UPRT: variants seen among roughly 807,000 people sequenced by gnomAD.
UPRT encodes the protein RP11-311P8.3.
A neutral mutation model predicts 22.6 loss-of-function variants in UPRT; 5 were observed. That is an observed-to-expected ratio of 0.22 (90% CI 0.12 to 0.47). The LOEUF (loss-of-function observed/expected upper bound fraction) is 0.47. Ranked by LOEUF, UPRT falls within the 20% of genes least tolerant of loss-of-function variation. The probability of loss-of-function intolerance (pLI) is 0.99; values close to 1 mark genes in which losing one functional copy is unlikely to be tolerated. For missense variants in UPRT, 181 were observed against 239.9 expected (o/e 0.75, Z 1.62); for synonymous variants, 77 against 87.7 (o/e 0.88, Z 0.68).
chrX:75,275,184 C>T (rs1023303116), intron 1 of UPRT, among the ~76,000 whole-genome samples: 1 of 111,664 alleles, frequency 9.0e-6, no homozygotes, highest in African/African-American at 3.3e-5. Context: ...GAAAGCTTAT[C>T]GTCCAACTCT....
intron 2 of UPRT, among the ~76,000 whole-genome samples, chrX:75,161,411 G>A (rs1358445792): frequency 8.9e-6 from 1 of 112,540 alleles, no homozygotes; most frequent in Non-Finnish European, 1.9e-5. Context: ...AAAAATGAAT[G>A]CAAAGTTTTA....
At chrX:75,189,332 C>G (rs928527989) in intron 4 of UPRT, among the ~76,000 whole-genome samples, 1 of 112,245 alleles carries the variant, frequency 8.9e-6, no homozygotes, top group Non-Finnish European at 1.9e-5. Context: ...TTTGATTGCA[C>G]TGTAGTCTGA....
intron 4 of UPRT, among the ~76,000 whole-genome samples, chrX:75,198,194 A>G (rs1035699394): frequency 1.1e-4 from 12 of 112,677 alleles, no homozygotes; most frequent in African/African-American, 3.9e-4. Flanking sequence ...TATTTAAACA[A>G]TATGGAGGCA....
At chrX:75,219,169 A>T (rs1400696002) in intron 4 of UPRT, among the ~76,000 whole-genome samples, 2 of 112,226 alleles carry the variant, frequency 1.8e-5, no homozygotes, top group Non-Finnish European at 3.8e-5. Context: ...TTCTCTGCCT[A>T]ACAGCTCATT....
At chrX:75,299,685 C>T (rs1457024774) in intron 4 of UPRT, 50 bp from the exon 5 acceptor site, 3 of 1,138,198 alleles carry the variant, frequency 2.6e-6, no homozygotes. Context: ...TGTTCTTGGA[C>T]TTTCTCTCTC....
At chrX:75,174,641 G>T (rs1191035651) in intron 4 of UPRT, among the ~76,000 whole-genome samples, 1 of 112,143 alleles carries the variant, frequency 8.9e-6, no homozygotes, top group African/African-American at 3.2e-5. Context: ...CCCTAAGAAG[G>T]TGTAGCGTCC....
chrX:75,196,406 G>A (rs990954038), intron 4 of UPRT, among the ~76,000 whole-genome samples: 4 of 112,391 alleles, frequency 3.6e-5, no homozygotes, highest in African/African-American at 6.5e-5. Flanking sequence ...AGTCTGAGAC[G>A]AATTATTGAT....
chrX:75,276,167 C>A (rs1175255486), intron 1 of UPRT, among the ~76,000 whole-genome samples: 1 of 112,069 alleles, frequency 8.9e-6, no homozygotes, highest in Admixed American at 9.5e-5. Context: ...TAATTGTCCA[C>A]CTCTGCCAAG....
intron 4 of UPRT, among the ~76,000 whole-genome samples, chrX:75,256,451 G>A (rs1741718483): frequency 9.0e-6 from 1 of 110,713 alleles, no homozygotes; most frequent in South Asian, 3.8e-4. Flanking sequence ...CACACCTCAA[G>A]GAACTAGAGA....
chrX:75,248,576 C>T (rs989890866), intron 4 of UPRT, among the ~76,000 whole-genome samples: 2 of 111,981 alleles, frequency 1.8e-5, no homozygotes, highest in Non-Finnish European at 3.8e-5. Context: ...ACCAAATCTA[C>T]GTCTGATTGG....
intron 1 of UPRT, among the ~76,000 whole-genome samples, chrX:75,290,528 A>G (rs981976923): frequency 7.1e-5 from 8 of 111,966 alleles, no homozygotes; most frequent in African/African-American, 2.6e-4. Context: ...TACAACAGCA[A>G]CGACATGGAA....
At chrX:75,245,962 A>G (rs1245192581) in intron 4 of UPRT, among the ~76,000 whole-genome samples, 1 of 112,012 alleles carries the variant, frequency 8.9e-6, no homozygotes, top group Admixed American at 9.5e-5. Flanking sequence ...AAACAAATAA[A>G]TATAATTTAA....
chrX:75,224,862 T>A (rs1358036808), intron 4 of UPRT, among the ~76,000 whole-genome samples: 2 of 111,319 alleles, frequency 1.8e-5, no homozygotes, highest in East Asian at 5.6e-4. Flanking sequence ...GGCTCTTAGG[T>A]TTAAATGCCT....
At chrX:75,272,160 T>C (rs1388920393), upstream of UPRT, among the ~76,000 whole-genome samples, 1 of 108,084 alleles carries the variant, frequency 9.3e-6, no homozygotes, top group Non-Finnish European at 1.9e-5. Context: ...GAAGTCATTA[T>C]ACAGAAAAGA....
upstream of UPRT, among the ~76,000 whole-genome samples, chrX:75,270,031 T>C (rs1347547883): frequency 9.0e-6 from 1 of 111,153 alleles, no homozygotes; most frequent in Non-Finnish European, 1.9e-5. Context: ...ATATCCAGAA[T>C]CTATAAAAAC....
chrX:75,245,740 C>A (rs2147656007), intron 4 of UPRT, among the ~76,000 whole-genome samples: 1 of 111,566 alleles, frequency 9.0e-6, no homozygotes, highest in East Asian at 2.8e-4. Flanking sequence ...GAGCTAAACA[C>A]TGAGTACATA....
In UPRT at chrX:75,297,535, G is replaced by T. The variant is rs1319428713; in HGVS notation, c.544G>T (p.Val182Phe). Residue 182 changes from valine to phenylalanine, a missense_variant, in exon 4 of 7, where the codon GTC becomes TTC. By Grantham distance (50) the Val-to-Phe change is conservative (BLOSUM62 -1). Transcript: ENST00000373383. ...GAAATTTGAGAAGGGAAATTGTGGG[G>T]TCAGCATAATGAGAAGCGGTAGGTT... ...GVKFEKGNCGVSIMRSGEAME... is the reference protein window; with the variant it reads ...GVKFEKGNCGFSIMRSGEAME... The T allele has an allele frequency of 8.3e-7, 1 of 1,211,809 alleles. No homozygotes were observed.
intron 4 of UPRT, among the ~76,000 whole-genome samples, chrX:75,238,543 A>C (rs900091399): frequency 1.8e-5 from 2 of 111,904 alleles, no homozygotes; most frequent in African/African-American, 6.5e-5. Flanking sequence ...TCAGTACTCT[A>C]CTGACAGCAC....
intron 4 of UPRT, among the ~76,000 whole-genome samples, chrX:75,170,744 C>CT (rs944915142): frequency 1.1e-4 from 12 of 110,871 alleles, no homozygotes; most frequent in African/African-American, 3.9e-4. Flanking sequence ...TCTAGGATTC[C>CT]TTTTAGTATT....
Sources: gnomAD v4.1 joint callset for allele counts (sites outside exome capture counted in the v4.1 genomes callset) on GRCh38, gnomAD v4.1.1 for gene constraint, MANE v1.5 for transcripts, NCBI Gene and HGNC (gene_info 2026-07-23, HGNC 2026-07-21) for gene names.